Variants in ANKRD26 observed in about 807,000 individuals in gnomAD.
ANKRD26 encodes the protein ankyrin repeat domain-containing protein 26.
ANKRD26 carries 141 observed loss-of-function variants against 208.7 expected under a neutral mutation model. The ratio of observed to expected loss-of-function variants is 0.68; its 90% CI spans 0.59 to 0.78. The LOEUF (loss-of-function observed/expected upper bound fraction) is 0.78. Ranked by LOEUF, ANKRD26 falls within the 30% of genes least tolerant of loss-of-function variation. The pLI, the probability that ANKRD26 is intolerant of heterozygous loss-of-function variation, is 0.00. For synonymous variants in ANKRD26, 636 were observed against 660.4 expected (o/e 0.96, Z 0.57); for missense variants, 1,889 against 1,938.7 (o/e 0.97, Z 0.48).
intron 15 of ANKRD26, among the ~76,000 whole-genome samples, chr10:27,055,709 G>C (rs1273649505): frequency 6.6e-6 from 1 of 152,120 alleles, no homozygotes; most frequent in Non-Finnish European, 1.5e-5. Flanking sequence ...CAAGGTGACA[G>C]ACTATGTGTA....
At chr10:26,981,137 A>T (rs2052301958) in intron 4 of ANKRD26, among the ~76,000 whole-genome samples, 1 of 152,226 alleles carries the variant, frequency 6.6e-6, no homozygotes, top group Non-Finnish European at 1.5e-5. Context: ...CTCTGTGGTT[A>T]TAATGGGCCA....
intron 20 of ANKRD26, among the ~76,000 whole-genome samples, chr10:27,041,020 G>C (rs1224039969): frequency 6.7e-6 from 1 of 149,632 alleles, no homozygotes; most frequent in Non-Finnish European, 1.5e-5. Context: ...AACAGAGCGA[G>C]ACTCTGCCTC....
At chr10:27,079,453 C>T (rs2055823684) in intron 6 of ANKRD26, among the ~76,000 whole-genome samples, 1 of 152,166 alleles carries the variant, frequency 6.6e-6, no homozygotes, top group African/African-American at 2.4e-5. Context: ...AATGGCAGAA[C>T]CTGGGAATAC....
At chr10:27,067,637 T>C (rs554484274) in intron 9 of ANKRD26, among the ~76,000 whole-genome samples, 1 of 152,152 alleles carries the variant, frequency 6.6e-6, no homozygotes, top group East Asian at 1.9e-4. Context: ...CTGCACACTT[T>C]TAAAGAAGCA....
chr10:27,097,730 C>T (rs1415221854), intron 1 of ANKRD26, among the ~76,000 whole-genome samples: 1 of 151,910 alleles, frequency 6.6e-6, no homozygotes, highest in Non-Finnish European at 1.5e-5. Flanking sequence ...GCTCACTGTA[C>T]CCTCCGCCTC....
chr10:27,016,986 G>A (rs1268211314), intron 30 of ANKRD26, among the ~76,000 whole-genome samples: 1 of 152,044 alleles, frequency 6.6e-6, no homozygotes, highest in East Asian at 1.9e-4. Flanking sequence ...CCAAGAGTTC[G>A]AGACCAGCCT....
At chr10:26,972,117 C>CCCAGCTA (rs1462625506), downstream of ANKRD26, among the ~76,000 whole-genome samples, 3 of 151,854 alleles carry the variant, frequency 2.0e-5, no homozygotes, top group African/African-American at 7.3e-5. Context: ...CGCCTGTAGT[C>CCCAGCTA]CCAGCTACTC....
chr10:27,095,839 TGACCTGAATGAA>T (rs976394374), intron 1 of ANKRD26, among the ~76,000 whole-genome samples: 29 of 152,308 alleles, frequency 1.9e-4, no homozygotes, highest in Admixed American at 1.4e-3. Flanking sequence ...GCAATTGCCT[TGACCTGAATGAA>T]TGCACTCCAC....
intron 4 of ANKRD26, among the ~76,000 whole-genome samples, chr10:27,091,110 A>G (rs940055108): frequency 3.9e-5 from 6 of 152,056 alleles, no homozygotes; most frequent in Admixed American, 6.6e-5. Context: ...TAATAATAAT[A>G]ATAATAAAGG....
In ANKRD26 at chr10:27,005,594, A is replaced by G; in HGVS notation, c.5129T>C (p.Ile1710Thr). The stretch of plus-strand genomic sequence containing the variant: ...CCAGTAATAAAATCTTATCTTTCAG[A>G]TCATATAATTTTTCTTTAAAACCTG... ...YVQVLKKNYMI is the reference protein window; with the variant it reads ...YVQVLKKNYMT The change falls in exon 34 of 34, where the codon ATC becomes ACC. Residue 1710 changes from isoleucine (I) to threonine (T), a missense_variant. Coordinates refer to ENST00000376087, the MANE Select transcript of ANKRD26 (RefSeq NM_014915.3). 6.2e-7 allele frequency: 1 copy of G among 1,608,848 alleles called. No individual in the cohort carries two copies. Among genetic ancestry groups the G allele is most frequent in the Non-Finnish European group, 8.5e-7 (1 of 1,176,010 alleles).
chr10:26,976,108 C>A (rs1166318100), intron 5 of ANKRD26, among the ~76,000 whole-genome samples: 2 of 152,016 alleles, frequency 1.3e-5, no homozygotes, highest in Admixed American at 6.6e-5. Flanking sequence ...ATTAAGAAAC[C>A]AATGGGGGCT....
At chr10:26,974,501 T>C (rs1270561735) in exon 6 of ANKRD26, among the ~76,000 whole-genome samples, 1 of 152,042 alleles carries the variant, frequency 6.6e-6, no homozygotes, top group African/African-American at 2.4e-5. Flanking sequence ...CCACCACGCC[T>C]GGCTAATTTT....
chr10:27,086,730 C>A, intron 4 of ANKRD26, 121 bp from the exon 5 acceptor site: 1 of 1,113,550 alleles, frequency 9.0e-7, no homozygotes. Context: ...TTTAATTATC[C>A]CATACACTTC....
In ANKRD26 at chr10:27,005,608, C is replaced by A. The variant is rs1283000126; in HGVS notation, c.5115G>T (p.Lys1705Asn). The A allele has an allele frequency of 1.9e-5, 30 of 1,611,446 alleles. No individual in the cohort carries two copies. The highest frequency in any genetic ancestry group is 2.5e-5 in the Non-Finnish European group (30 of 1,178,496). ...KASREYVQVL[K>N]KNYMI ...TTATCTTTCAGATCATATAATTTTT[C>A]TTTAAAACCTGTACATATTCTCTTG... The change falls in exon 34 of 34, where the codon AAG becomes AAT. Residue 1705 changes from lysine (K) to asparagine (N), a missense_variant. Lys to Asn is a moderately conservative substitution (Grantham distance 94, BLOSUM62 0). Around this residue, in one of 3 missense-constraint regions of ANKRD26, gnomAD observed 613 missense variants for 648.2 expected, o/e 0.95. Transcript: ENST00000376087.
chr10:27,054,920 C>G lies in ANKRD26; in HGVS notation c.1565-1530G>C, dbSNP rs552594379. ...AACATTTATGCTTTCAAGAGGGACT[C>G]AAGGTCCTATTTGCATTGGAGACAG... On this transcript the variant is annotated intron_variant, in intron 15 of 33. Transcript: ENST00000376087. 6.0e-4 allele frequency among the ~76,000 whole-genome samples: 91 copies of G among 152,240 alleles called. 1 individual carries two copies. Among genetic ancestry groups the G allele is most frequent in the South Asian group, 3.3e-3 (16 of 4,822 alleles).
Position 27,035,472 on chromosome 10 carries a change from T to G in ANKRD26, c.2978A>C (p.Glu993Ala), listed in dbSNP as rs61745662. 4.2e-3 allele frequency: 6,730 copies of G among 1,614,024 alleles called. 263 individuals carry two copies. In the African/African-American group the frequency reaches 0.08, roughly 19 times the overall value. The stretch of plus-strand genomic sequence containing the variant: ...TCTTTCCTTGCTTTGCTTTTCATTC[T>G]CCAGTTTAGAATTTAGCATTGCATT... ...AENAMLNSKL[E>A]NEKQSKERLE... Residue 993 changes from glutamate (E) to alanine (A), a missense_variant, in exon 24 of 34, where the codon GAG becomes GCG. By Grantham distance (107) the Glu-to-Ala change is moderately radical (BLOSUM62 -1). Around this residue, in one of 3 missense-constraint regions of ANKRD26, gnomAD observed 1,272 missense variants for 1,273.8 expected, o/e 1.00. Transcript: ENST00000376087.
chr10:26,955,687 A>G, the ANKRD26 span, among the ~76,000 whole-genome samples: 1 of 152,200 alleles, frequency 6.6e-6, no homozygotes, highest in Non-Finnish European at 1.5e-5. Context: ...TTTAAATAAC[A>G]AAGCATAAAG....
At position 27,097,636 on chromosome 10, in the gene ANKRD26, C is replaced by CT. The variant is rs1370914708; in HGVS notation, c.242+2448dup. 2.2e-4 allele frequency among the ~76,000 whole-genome samples: 33 copies of CT among 149,008 alleles called. No homozygotes were observed. The East Asian group carries it at 6.0e-3, about 27-fold the overall frequency. ...TTTATTCTTTTGCAATAATATTTAT[C>CT]TTTTTTTTGTTTTGTTTTGTTTTGT... On this transcript the variant is annotated intron_variant, in intron 1 of 33. Transcript: ENST00000376087.
Position 27,046,555 on chromosome 10 carries a change from A to G in ANKRD26, c.1815-32T>C, listed in dbSNP as rs1453302318. 2.5e-6 allele frequency: 4 copies of G among 1,604,056 alleles called. No individual in the cohort carries two copies. The East Asian group carries it at 6.7e-5, about 27-fold the overall frequency. On this transcript the variant is annotated intron_variant, in intron 17 of 33. Transcript: ENST00000376087. ...AAAATCCATGGGAAATGACAGTTAC[A>G]TAAGAAAAAAGAAAAAAAGAAACAA...
Sources: allele counts gnomAD v4.1 joint callset (sites outside exome capture counted in the v4.1 genomes callset), GRCh38; gene constraint gnomAD v4.1.1; regional missense constraint gnomAD v4.1.1; transcripts MANE v1.5; gene names NCBI Gene and HGNC (gene_info 2026-07-23, HGNC 2026-07-21).